Variants in FER1L6 observed in about 807,000 individuals in gnomAD.
The protein encoded by FER1L6 is fer-1-like protein 6.
In FER1L6, 177 loss-of-function variants were observed where a neutral mutation model predicts 219.2. The ratio of observed to expected loss-of-function variants is 0.81; its 90% confidence interval spans 0.71 to 0.91. FER1L6 has a LOEUF of 0.91. Ranked by LOEUF, FER1L6 falls within the 40% of genes least tolerant of loss-of-function variation. FER1L6 has a pLI of 0.00. For synonymous variants in FER1L6, 768 were observed against 824.3 expected (o/e 0.93, Z 1.17); for missense variants, 2,153 against 2,259.9 (o/e 0.95, Z 0.96).
chr8:123,952,169 C>T (rs973520579), intron 1 of FER1L6, among the ~76,000 whole-genome samples: 2 of 152,154 alleles, frequency 1.3e-5, no homozygotes, highest in Non-Finnish European at 2.9e-5. Flanking sequence ...CAGAACTAAC[C>T]TTATGGCCAC....
intron 1 of FER1L6, among the ~76,000 whole-genome samples, chr8:123,894,310 C>T (rs1812708242): frequency 6.6e-6 from 1 of 152,126 alleles, no homozygotes; most frequent in African/African-American, 2.4e-5. Context: ...TATATAAACC[C>T]TTAATTTTAG....
At chr8:124,022,893 T>G (rs1431612497) in intron 17 of FER1L6, among the ~76,000 whole-genome samples, 1 of 142,020 alleles carries the variant, frequency 7.0e-6, no homozygotes, top group Non-Finnish European at 1.5e-5. Context: ...ATTTGGCATG[T>G]GGGTTTGTAG....
At chr8:123,968,941 C>A (rs1040509441) in intron 5 of FER1L6, among the ~76,000 whole-genome samples, 2 of 152,174 alleles carry the variant, frequency 1.3e-5, no homozygotes, top group East Asian at 1.9e-4. Flanking sequence ...CAGGAAACAG[C>A]TTCCCAGGCC....
chr8:123,874,020 C>T (rs1434943302), intron 1 of FER1L6, among the ~76,000 whole-genome samples: 1 of 152,188 alleles, frequency 6.6e-6, no homozygotes, highest in Non-Finnish European at 1.5e-5. Flanking sequence ...TAATTACCAC[C>T]TTGCCTCTTT....
chr8:123,891,663 T>C (rs1319710194), intron 1 of FER1L6, among the ~76,000 whole-genome samples: 2 of 152,216 alleles, frequency 1.3e-5, no homozygotes, highest in Non-Finnish European at 2.9e-5. Context: ...AGTATCAATA[T>C]TCCATTAACA....
In FER1L6 at chr8:124,101,250, C is replaced by CG. The variant is rs765222960; in HGVS notation, c.5037_5038insG (p.Ser1680ValfsTer8). ...TCATTACCAAGAGGGAGAACATCTT[C>CG]TCTTTAGAGAAGATGGAGTGTAAGA... On this transcript the variant is annotated frameshift_variant, in exon 38 of 41. Transcript: ENST00000522917. LOFTEE classifies it high-confidence loss of function. The CG allele has an allele frequency of 6.2e-7, 1 of 1,613,906 alleles. No individual in the cohort carries two copies. Among genetic ancestry groups the CG allele is most frequent in the South Asian group, 1.1e-5 (1 of 91,074 alleles).
intron 7 of FER1L6, among the ~76,000 whole-genome samples, chr8:123,973,830 C>G (rs569190377): frequency 1.4e-4 from 22 of 152,290 alleles, no homozygotes; most frequent in South Asian, 2.1e-4. Context: ...TCGAATCCCA[C>G]TCTATGTCCT....
chr8:124,060,048 C>T (rs899977396), intron 22 of FER1L6, 132 bp from the exon 23 acceptor site: 2 of 679,264 alleles, frequency 2.9e-6, no homozygotes, highest in Non-Finnish European at 5.2e-6. Context: ...ATGCATGGTC[C>T]TTGTATTTTA....
At chr8:123,954,861 C>T (rs907229039) in intron 1 of FER1L6, among the ~76,000 whole-genome samples, 1 of 152,158 alleles carries the variant, frequency 6.6e-6, no homozygotes, top group Admixed American at 6.5e-5. Context: ...GGGATTTGAG[C>T]CTTTGCTGCC....
intron 31 of FER1L6, 110 bp from the exon 32 acceptor site, chr8:124,076,088 T>C (rs1821273108): frequency 1.4e-6 from 2 of 1,387,422 alleles, no homozygotes; most frequent in East Asian, 2.3e-5. Flanking sequence ...AATCAGACTA[T>C]CTAGAGACAG....
At chr8:123,929,899 G>A (rs1426366500) in intron 1 of FER1L6, among the ~76,000 whole-genome samples, 1 of 151,600 alleles carries the variant, frequency 6.6e-6, no homozygotes, top group African/African-American at 2.4e-5. Context: ...AGATAAGTAT[G>A]TACATGACTG....
At chr8:124,117,293 A>G (rs186898965) in intron 39 of FER1L6, among the ~76,000 whole-genome samples, 57 of 152,356 alleles carry the variant, frequency 3.7e-4, no homozygotes, top group African/African-American at 1.3e-3. Context: ...AATAGAATAA[A>G]CAAACCTGGG....
intron 12 of FER1L6, among the ~76,000 whole-genome samples, chr8:123,997,686 C>T (rs1214538542): frequency 6.6e-6 from 1 of 152,100 alleles, no homozygotes; most frequent in Non-Finnish European, 1.5e-5. Context: ...ATCTTATAGG[C>T]ATGTTTTATT....
At chr8:124,045,681 C>A in intron 20 of FER1L6, 86 bp from the exon 21 acceptor site, 1 of 1,405,730 alleles carries the variant, frequency 7.1e-7, no homozygotes, top group Non-Finnish European at 9.9e-7. Context: ...TTCTCTTTCC[C>A]CTGTATAAGT....
intron 1 of FER1L6, among the ~76,000 whole-genome samples, chr8:123,948,792 T>TA (rs912165947): frequency 1.3e-5 from 2 of 151,838 alleles, no homozygotes; most frequent in Non-Finnish European, 2.9e-5. Context: ...TTTTTTTTTT[T>TA]AAATATCAGA....
chr8:123,987,630 T>G (rs964758882), intron 12 of FER1L6, among the ~76,000 whole-genome samples: 1 of 152,242 alleles, frequency 6.6e-6, no homozygotes, highest in Non-Finnish European at 1.5e-5. Flanking sequence ...TCCCAATGTT[T>G]TCTTGTAGTA....
At chr8:123,952,972 A>G (rs1327158269) in intron 1 of FER1L6, among the ~76,000 whole-genome samples, 2 of 152,202 alleles carry the variant, frequency 1.3e-5, no homozygotes, top group Non-Finnish European at 2.9e-5. Context: ...AGAAATATGC[A>G]TCTGAGTTAA....
At chr8:124,113,828 A>G (rs961351989) in intron 39 of FER1L6, among the ~76,000 whole-genome samples, 1 of 152,234 alleles carries the variant, frequency 6.6e-6, no homozygotes, top group Non-Finnish European at 1.5e-5. Context: ...AATATGTGAT[A>G]CTGTTTACTC....
intron 15 of FER1L6, among the ~76,000 whole-genome samples, chr8:124,015,700 T>C (rs1818171772): frequency 6.7e-6 from 1 of 150,208 alleles, no homozygotes. Context: ...TTTTAGAAAC[T>C]GTTTATGAGC....
Sources: allele counts gnomAD v4.1 joint callset (sites outside exome capture counted in the v4.1 genomes callset), GRCh38; gene constraint gnomAD v4.1.1; transcripts MANE v1.5; gene names NCBI Gene and HGNC (gene_info 2026-07-23, HGNC 2026-07-21).